ARHGAP29: variants seen among roughly 807,000 people sequenced by gnomAD.
ARHGAP29 encodes rho GTPase-activating protein 29.
A neutral mutation model predicts 122.6 loss-of-function variants in ARHGAP29; 43 were observed. The observed-to-expected ratio is 0.35, with a 90% CI of 0.27 to 0.45. The LOEUF is 0.45. Ranked by LOEUF, ARHGAP29 falls within the 20% of genes least tolerant of loss-of-function variation. The probability of loss-of-function intolerance (pLI) is 1.00; values close to 1 mark genes in which losing one functional copy is unlikely to be tolerated. For synonymous variants in ARHGAP29, 506 were observed against 497.1 expected (o/e 1.02, Z -0.24); for missense variants, 1,303 against 1,477.2 (o/e 0.88, Z 1.93).
At position 94,189,196 on chromosome 1, in the gene ARHGAP29, T is replaced by C; in HGVS notation, c.1576+20A>G. The C allele has an allele frequency of 6.3e-7, 1 of 1,587,390 alleles. No individual in the cohort carries two copies. Among genetic ancestry groups the C allele is most frequent in the Admixed American group, 1.9e-5 (1 of 53,078 alleles). ...CCTGACCTTTTATAAATTAGCACTC[T>C]CTTTAGGGTGGAAAACTACCTGTTA... is the stretch of plus-strand genomic sequence containing the variant. On this transcript the variant is annotated intron_variant, in intron 14 of 22. Transcript: ENST00000260526.
intron 3 of ARHGAP29, among the ~76,000 whole-genome samples, chr1:94,213,457 C>T (rs1651779464): frequency 2.0e-5 from 3 of 152,204 alleles, no homozygotes; most frequent in Admixed American, 2.0e-4. Flanking sequence ...GCTGGGATTA[C>T]AGGCGTGAGC....
chr1:94,189,332 T>C lies in ARHGAP29; in HGVS notation c.1460A>G (p.Asn487Ser). The change falls in exon 14 of 23, where the codon AAT becomes AGT. Residue 487 changes from asparagine to serine, a missense_variant. Asn to Ser is a conservative substitution (Grantham distance 46). Transcript: ENST00000260526. ...TCCAAATCCTGAAGGTTGGGAACTA[T>C]TTAAATGTTTATTTACATTTCTGAA... ...KVDGNVNKHL[N>S]SSQPSGFGPA... 6.2e-7 allele frequency: 1 copy of C among 1,609,396 alleles called. No homozygotes were observed. The highest frequency in any genetic ancestry group is 2.2e-5 in the East Asian group (1 of 44,800).
chr1:94,299,940 G>A, the ARHGAP29 span, among the ~76,000 whole-genome samples: 1 of 152,050 alleles, frequency 6.6e-6, no homozygotes, highest in Admixed American at 6.6e-5. Context: ...GCCTCTACTG[G>A]GAGAACTAGA....
At chr1:94,231,377 A>G (rs1219660282) in intron 2 of ARHGAP29, 30 bp downstream of exon 2, 4 of 1,583,956 alleles carry the variant, frequency 2.5e-6, no homozygotes, top group Non-Finnish European at 3.5e-6. Flanking sequence ...CAAACTATCC[A>G]GCAAGAATGC....
rs771755443 is a variant in ARHGAP29 at position 94,203,914 on chromosome 1, T to A, written c.762+16A>T. 7.4e-6 allele frequency: 12 copies of A among 1,612,154 alleles called. No individual in the cohort carries two copies. Among genetic ancestry groups the A allele is most frequent in the Non-Finnish European group, 1.0e-5 (12 of 1,178,820 alleles). ...GTTTCTTATTATAGAACCCCCGAAG[T>A]TCACAGAACACTTACCTGAATTCCA... On this transcript the variant is annotated intron_variant, in intron 8 of 22. Coordinates refer to ENST00000260526, the MANE Select transcript of ARHGAP29 (RefSeq NM_004815.4).
chr1:94,304,125 A>G, the ARHGAP29 span, among the ~76,000 whole-genome samples: 1 of 152,042 alleles, frequency 6.6e-6, no homozygotes, highest in African/African-American at 2.4e-5. Flanking sequence ...ACACTGTTGA[A>G]ACTCTACCCA....
At chr1:94,208,040 G>A (rs1358553066) in intron 5 of ARHGAP29, among the ~76,000 whole-genome samples, 1 of 151,982 alleles carries the variant, frequency 6.6e-6, no homozygotes, top group Non-Finnish European at 1.5e-5. Flanking sequence ...CCTCAATCAT[G>A]TTAACCAGGC....
rs149784706 is a variant in ARHGAP29 at position 94,230,757 on chromosome 1, C to T, written c.205+650G>A. Among the ~76,000 whole-genome samples the T allele has an allele frequency of 1.1e-4, 16 of 151,708 alleles. 1 individual carries two copies. The East Asian group carries it at 2.9e-3, about 28-fold the overall frequency. ...AGCTGTTTTTGTAACTATTTATTAT[C>T]CTTGCCATCAAATTTAGACCTAAGA... On this transcript the variant is annotated intron_variant, in intron 2 of 22. Transcript: ENST00000260526.
intron 20 of ARHGAP29, 55 bp downstream of exon 20, chr1:94,179,670 C>CA: frequency 1.2e-6 from 1 of 807,440 alleles, no homozygotes; most frequent in South Asian, 2.8e-5. Context: ...CAATTAAAAA[C>CA]AAAAAACAAA....
chr1:94,189,286 A>G lies in ARHGAP29; in HGVS notation c.1506T>C (p.Asp502=), dbSNP rs184108408. ...SGFGPANSLE[D]VVRLPDSSNK... is the part of the protein sequence containing the mutation. ...TAGAACTGTCAGGAAGGCGTACAAC[A>G]TCCTCTAAAGAGTTGGCAGGTCCAA... The change falls in exon 14 of 23, where the codon GAT becomes GAC. Residue 502 remains aspartate (D), a synonymous_variant. Coordinates refer to ENST00000260526, the MANE Select transcript of ARHGAP29 (RefSeq NM_004815.4). 1 of 1,613,182 alleles carries G rather than the reference A, an allele frequency of 6.2e-7. No individual in the cohort carries two copies. Among genetic ancestry groups the G allele is most frequent in the East Asian group, 2.2e-5 (1 of 44,836 alleles).
chr1:94,267,377 T>C (rs1484525556), intron 1 of ARHGAP29, among the ~76,000 whole-genome samples: 2 of 152,212 alleles, frequency 1.3e-5, no homozygotes, highest in Non-Finnish European at 2.9e-5. Context: ...GAGTGACCTA[T>C]GTTAAGTACT....
chr1:94,268,081 A>T (rs374945616), intron 1 of ARHGAP29, among the ~76,000 whole-genome samples: 11 of 152,284 alleles, frequency 7.2e-5, no homozygotes, highest in Admixed American at 3.9e-4. Context: ...AGTAAATTTC[A>T]TTATAGTTCT....
upstream of ARHGAP29, among the ~76,000 whole-genome samples, chr1:94,277,007 C>A (rs1268027710): frequency 1.3e-5 from 2 of 152,062 alleles, no homozygotes; most frequent in Admixed American, 6.6e-5. Context: ...GGTGTAACTC[C>A]CCATAGCTAT....
upstream of ARHGAP29, among the ~76,000 whole-genome samples, chr1:94,240,085 C>T (rs1376463623): frequency 6.6e-6 from 1 of 152,110 alleles, no homozygotes; most frequent in African/African-American, 2.4e-5. Context: ...CAAAGTCTGT[C>T]CCTCATAGCT....
chr1:94,231,550 G>A lies in ARHGAP29; in HGVS notation c.62C>T (p.Ser21Phe). 6.2e-7 allele frequency: 1 copy of A among 1,613,736 alleles called. No individual in the cohort carries two copies. Among genetic ancestry groups the A allele is most frequent in the Non-Finnish European group, 8.5e-7 (1 of 1,179,738 alleles). Residue 21 changes from serine (S) to phenylalanine (F), a missense_variant, in exon 2 of 23, where the codon TCT (serine) becomes TTT (phenylalanine). Ser to Phe is a radical substitution (Grantham distance 155). Around this residue, in one of 3 missense-constraint regions of ARHGAP29, gnomAD observed 592 missense variants for 648.2 expected, o/e 0.91. Coordinates refer to ENST00000260526, the MANE Select transcript of ARHGAP29 (RefSeq NM_004815.4). ...KKRAWASGQL[S>F]TDITTSEMGL... ...CATTTCAGAAGTTGTAATATCAGTA[G>A]AGAGTTGACCTGATGCCCAAGCACG...
At chr1:94,306,402 T>A in the ARHGAP29 span, among the ~76,000 whole-genome samples, 1 of 152,242 alleles carries the variant, frequency 6.6e-6, no homozygotes, top group Non-Finnish European at 1.5e-5. Flanking sequence ...TCAATAGTTC[T>A]TAACTTTACT....
chr1:94,180,056 C>T (rs1649358730), intron 19 of ARHGAP29, 99 bp from the exon 20 acceptor site: 4 of 770,022 alleles, frequency 5.2e-6, no homozygotes, highest in Non-Finnish European at 6.1e-6. Flanking sequence ...TGTCCCTTTA[C>T]ATTAAGAATA....
upstream of ARHGAP29, among the ~76,000 whole-genome samples, chr1:94,238,139 C>T (rs147755123): frequency 6.6e-3 from 949 of 143,276 alleles, 7 homozygotes; most frequent in African/African-American, 0.024. Flanking sequence ...CGGCTCACTG[C>T]AACCTCCGCC....
intron 12 of ARHGAP29, among the ~76,000 whole-genome samples, chr1:94,199,671 C>T (rs1650712296): frequency 6.6e-6 from 1 of 150,444 alleles, no homozygotes; most frequent in Non-Finnish European, 1.5e-5. Context: ...CATCCCTATG[C>T]TCCAAAGTCC....
Sources: allele counts gnomAD v4.1 joint callset (sites outside exome capture counted in the v4.1 genomes callset), GRCh38; gene constraint gnomAD v4.1.1; regional missense constraint gnomAD v4.1.1; transcripts MANE v1.5; gene names NCBI Gene and HGNC (gene_info 2026-07-23, HGNC 2026-07-21).